CNTNAP5: variants seen among roughly 807,000 people sequenced by gnomAD.
CNTNAP5 encodes the protein contactin associated protein family member 5.
CNTNAP5 carries 72 observed loss-of-function variants against 150.2 expected under a neutral mutation model. That is an observed-to-expected ratio of 0.48 (90% CI 0.40 to 0.58). The LOEUF is 0.58. Among genes scored for constraint, CNTNAP5 ranks in the 20% least tolerant of loss-of-function variants. The pLI, the probability that CNTNAP5 is intolerant of heterozygous loss-of-function variation, is 0.00. For synonymous variants in CNTNAP5, 672 were observed against 619.8 expected, an observed-to-expected ratio of 1.08 and a Z score of -1.25; for missense variants, 1,636 against 1,626.2, an observed-to-expected ratio of 1.01 and a Z score of -0.10.
In CNTNAP5 at chr2:124,099,132, T is replaced by C. The variant is rs571758748; in HGVS notation, c.82+73400T>C. ...CCTCACACTGTAAGCTCCAGTGATA[T>C]TGATGGGTTCATTGCTCCTCTGCAC... On this transcript the variant is annotated intron_variant, in intron 1 of 23. Coordinates refer to ENST00000682447, the MANE Select transcript of CNTNAP5 (RefSeq NM_001367498.1). Among the ~76,000 whole-genome samples, 8 of 152,306 alleles carry C rather than the reference T, an allele frequency of 5.3e-5. No individual in the cohort carries two copies. In the South Asian group the frequency reaches 1.4e-3, roughly 28 times the overall value.
At chr2:124,519,036 G>A (rs530189362) in intron 8 of CNTNAP5, among the ~76,000 whole-genome samples, 36 of 145,762 alleles carry the variant, frequency 2.5e-4, no homozygotes, top group African/African-American at 7.6e-4. Flanking sequence ...TTCATGCTAC[G>A]TGGATGAATC....
intron 1 of CNTNAP5, among the ~76,000 whole-genome samples, chr2:124,180,134 G>T (rs1239771745): frequency 6.6e-6 from 1 of 152,128 alleles, no homozygotes; most frequent in Non-Finnish European, 1.5e-5. Flanking sequence ...TTTTCTGGTG[G>T]CTTACAAACA....
chr2:124,500,930 C>T (rs1295816099), intron 7 of CNTNAP5, among the ~76,000 whole-genome samples: 1 of 152,136 alleles, frequency 6.6e-6, no homozygotes, highest in Non-Finnish European at 1.5e-5. Context: ...CACAGTCAGA[C>T]AGAGGAGCCC....
At chr2:124,259,281 A>C (rs1687393545) in intron 3 of CNTNAP5, among the ~76,000 whole-genome samples, 1 of 152,014 alleles carries the variant, frequency 6.6e-6, no homozygotes, top group Non-Finnish European at 1.5e-5. Flanking sequence ...GATTGGTTCC[A>C]AGTCTTTGCT....
At chr2:124,206,813 G>T (rs1006698018) in intron 1 of CNTNAP5, among the ~76,000 whole-genome samples, 11 of 152,162 alleles carry the variant, frequency 7.2e-5, no homozygotes, top group Non-Finnish European at 1.5e-4. Flanking sequence ...AGTAATAGGG[G>T]ACAGAAGCCT....
At chr2:124,221,178 G>A (rs1686299995) in intron 1 of CNTNAP5, among the ~76,000 whole-genome samples, 1 of 152,118 alleles carries the variant, frequency 6.6e-6, no homozygotes, top group Non-Finnish European at 1.5e-5. Context: ...CTCAGAATAA[G>A]TAAATTGTTT....
chr2:124,661,892 T>C (rs1678600052), intron 13 of CNTNAP5, among the ~76,000 whole-genome samples: 1 of 152,078 alleles, frequency 6.6e-6, no homozygotes, highest in African/African-American at 2.4e-5. Flanking sequence ...TACTTTAAGT[T>C]CTAGGTTACA....
chr2:124,889,774 A>G (rs1360558089), intron 21 of CNTNAP5, among the ~76,000 whole-genome samples: 1 of 152,132 alleles, frequency 6.6e-6, no homozygotes, highest in Non-Finnish European at 1.5e-5. Flanking sequence ...ATTTCAGATA[A>G]GGTTTGTCCT....
rs908001559 is a variant in CNTNAP5, at chr2:124,071,597, T to G, written c.82+45865T>G. ...TATGAGTGACTATACATCAATAAAT[T>G]GTAAAATCTAGAAGAAATGGATAAA... On this transcript the variant is annotated intron_variant, in intron 1 of 23. Coordinates refer to ENST00000682447, the MANE Select transcript of CNTNAP5 (RefSeq NM_001367498.1). 3.9e-5 allele frequency among the ~76,000 whole-genome samples: 6 copies of G among 151,976 alleles called. No homozygotes were observed. In the South Asian group the frequency reaches 1.2e-3, roughly 32 times the overall value.
At chr2:124,592,653 C>T (rs968014583) in intron 11 of CNTNAP5, among the ~76,000 whole-genome samples, 1 of 151,992 alleles carries the variant, frequency 6.6e-6, no homozygotes, top group Non-Finnish European at 1.5e-5. Flanking sequence ...GGGAAAAGGC[C>T]TTTCCCCTAT....
chr2:124,443,858 T>C (rs1573998274), intron 5 of CNTNAP5, among the ~76,000 whole-genome samples: 1 of 145,526 alleles, frequency 6.9e-6, no homozygotes, highest in Non-Finnish European at 1.5e-5. Context: ...GTGTGATGTA[T>C]AATGACTTTA....
intron 3 of CNTNAP5, among the ~76,000 whole-genome samples, chr2:124,374,735 T>C (rs1690605472): frequency 6.6e-6 from 1 of 152,060 alleles, no homozygotes; most frequent in Non-Finnish European, 1.5e-5. Context: ...TCTTGGTTTC[T>C]AAACAGCATT....
chr2:124,499,348 C>T (rs728049), intron 7 of CNTNAP5, among the ~76,000 whole-genome samples: 15,483 of 152,114 alleles, frequency 0.1, 1,239 homozygotes, highest in African/African-American at 0.2. Context: ...GTAGCACACA[C>T]GACTGTAAGC....
chr2:124,695,311 GCAGT>G (rs1406160297), intron 13 of CNTNAP5, among the ~76,000 whole-genome samples: 3 of 152,270 alleles, frequency 2.0e-5, no homozygotes, highest in South Asian at 2.1e-4. Context: ...TTTGTGAAAT[GCAGT>G]CAAAGGACAG....
intron 13 of CNTNAP5, among the ~76,000 whole-genome samples, chr2:124,706,251 A>T (rs1318672217): frequency 2.0e-5 from 3 of 152,212 alleles, no homozygotes; most frequent in Non-Finnish European, 4.4e-5. Flanking sequence ...AAAGAAAAAA[A>T]AAGACAGAAT....
intron 3 of CNTNAP5, among the ~76,000 whole-genome samples, chr2:124,368,115 G>A (rs980599320): frequency 5.9e-5 from 9 of 152,096 alleles, no homozygotes; most frequent in Admixed American, 2.0e-4. Flanking sequence ...CGTTAGCCTC[G>A]TAAGCTTAGG....
At chr2:124,487,108 A>G (rs1016201921) in intron 7 of CNTNAP5, among the ~76,000 whole-genome samples, 2 of 152,272 alleles carry the variant, frequency 1.3e-5, no homozygotes, top group East Asian at 3.9e-4. Flanking sequence ...GTTATCCAGT[A>G]TCCCCCATGG....
chr2:124,465,814 A>G (rs1388525832), intron 6 of CNTNAP5, among the ~76,000 whole-genome samples: 2 of 152,164 alleles, frequency 1.3e-5, no homozygotes, highest in South Asian at 2.1e-4. Flanking sequence ...AAACACAAGT[A>G]AGTGAATTAT....
At chr2:124,442,985 TA>T (rs1692714072) in intron 5 of CNTNAP5, among the ~76,000 whole-genome samples, 1 of 152,094 alleles carries the variant, frequency 6.6e-6, no homozygotes, top group Non-Finnish European at 1.5e-5. Flanking sequence ...CCTAGGCATT[TA>T]AATAGTCATG....
Sources: gnomAD v4.1 joint callset for allele counts (sites outside exome capture counted in the v4.1 genomes callset) on GRCh38, gnomAD v4.1.1 for gene constraint, MANE v1.5 for transcripts, NCBI Gene and HGNC (gene_info 2026-07-23, HGNC 2026-07-21) for gene names.